Variants in GART observed in about 807,000 individuals in gnomAD.
GART encodes trifunctional purine biosynthetic protein adenosine-3.
Under a neutral mutation model 107.2 loss-of-function variants are expected in GART, and 43 were observed. The observed-to-expected ratio is 0.40, with a 90% CI of 0.31 to 0.52. The LOEUF is 0.52. Ranked by LOEUF, GART falls within the 20% of genes least tolerant of loss-of-function variation. The pLI, the probability that GART is intolerant of heterozygous loss-of-function variation, is 0.52. For missense variants in GART, 1,107 were observed against 1,206.5 expected (o/e 0.92, Z 1.22); for synonymous variants, 434 against 427.0 (o/e 1.02, Z -0.20).
chr21:33,531,633 A>C (rs972534844), intron 5 of GART, 76 bp from the exon 6 acceptor site: 1 of 1,270,618 alleles, frequency 7.9e-7, no homozygotes, highest in Admixed American at 2.2e-5. Context: ...GTTGACTTTT[A>C]GCATTATCCA....
In GART at chr21:33,528,183, C is replaced by T. The variant is rs773111539; in HGVS notation, c.1050G>A (p.Lys350=). 3.1e-6 allele frequency: 5 copies of T among 1,613,570 alleles called. No individual in the cohort carries two copies. The stretch of plus-strand genomic sequence containing the variant: ...GACACTCACCTGTTATCTCTACACC[C>T]TTGGTGTAGTCTCCAGGATAACCTT... ...ASKGYPGDYT[K]GVEITGFPEA... The change falls in exon 10 of 22, where the codon AAG becomes AAA. Residue 350 remains lysine (K), a synonymous_variant. Transcript: ENST00000381815.
At chr21:33,513,083 TTGTG>T (rs760260690) in intron 16 of GART, among the ~76,000 whole-genome samples, 34 of 142,330 alleles carry the variant, frequency 2.4e-4, no homozygotes, top group South Asian at 7.1e-4. Flanking sequence ...ACTTGGTTAT[TTGTG>T]TGTGTGTGTG....
Position 33,504,490 on chromosome 21 carries a change from A to G in GART, c.2763T>C (p.Ser921=). The change falls in exon 21 of 22, where the codon TCT becomes TCC. Residue 921 remains serine (S), a synonymous_variant. Coordinates refer to ENST00000381815, the MANE Select transcript of GART (RefSeq NM_000819.5). ...MLNIHPSLLP[S]FKGSNAHEQA... ...GCTCATGGGCATTTGAACCCTTAAA[A>G]GAAGGGAGCAAGGATGGGTGGATAT... The G allele has an allele frequency of 1.2e-6, 2 of 1,614,144 alleles. No homozygotes were observed. The highest frequency in any genetic ancestry group is 2.2e-5 in the South Asian group (2 of 91,090).
chr21:33,527,483 C>G (rs1439073725), intron 10 of GART, among the ~76,000 whole-genome samples: 1 of 152,012 alleles, frequency 6.6e-6, no homozygotes, highest in African/African-American at 2.4e-5. Context: ...CCACTGCAAT[C>G]CAGCCTGGGT....
intron 10 of GART, among the ~76,000 whole-genome samples, chr21:33,527,455 C>T (rs529949011): frequency 4.3e-4 from 65 of 152,054 alleles, no homozygotes; most frequent in African/African-American, 1.6e-3. Context: ...GAGGAGGTTA[C>T]AGTGAGCCGA....
Position 33,532,328 on chromosome 21 carries a change from C to A in GART, c.528+17G>T. On this transcript the variant is annotated intron_variant, in intron 5 of 21. Coordinates refer to ENST00000381815, the MANE Select transcript of GART (RefSeq NM_000819.5). ...GTATGAATAGAAAAGTAAATTTTTTCAGAAGACCCAGCCTACCTGCATGAT... is the reference window on the plus strand; with the variant it reads ...GTATGAATAGAAAAGTAAATTTTTTAAGAAGACCCAGCCTACCTGCATGAT... 1 of 1,584,184 alleles carries A rather than the reference C, an allele frequency of 6.3e-7. No homozygotes were observed.
At chr21:33,539,428 C>G (rs1446962812) in intron 1 of GART, 72 bp from the exon 2 acceptor site, 1 of 1,155,698 alleles carries the variant, frequency 8.7e-7, no homozygotes, top group African/African-American at 1.6e-5. Flanking sequence ...CACAGTGGCT[C>G]ATGCCTGTAC....
At chr21:33,526,822 A>G (rs1025818823) in intron 10 of GART, among the ~76,000 whole-genome samples, 3 of 152,236 alleles carry the variant, frequency 2.0e-5, no homozygotes, top group South Asian at 2.1e-4. Flanking sequence ...TTATGTAAAG[A>G]TAACACTTTT....
At chr21:33,512,690 G>C (rs1216018843) in intron 16 of GART, among the ~76,000 whole-genome samples, 1 of 152,030 alleles carries the variant, frequency 6.6e-6, no homozygotes, top group Non-Finnish European at 1.5e-5. Flanking sequence ...CCAGGCTCAA[G>C]TGATCTTCTC....
At chr21:33,520,843 A>G (rs942628228) in intron 13 of GART, 63 bp downstream of exon 13, 36 of 1,215,328 alleles carry the variant, frequency 3.0e-5, no homozygotes, top group Admixed American at 4.3e-5. Flanking sequence ...AGAAAAATAC[A>G]TATTTGATAT....
chr21:33,505,543 C>A lies in GART; in HGVS notation c.2725+18G>T, dbSNP rs772586286. ...TTCAATTGATTTCCCAATGTGATGT[C>A]AAATAATTTTTGCTTACCATTCCAC... On this transcript the variant is annotated intron_variant, in intron 20 of 21. Coordinates refer to ENST00000381815, the MANE Select transcript of GART (RefSeq NM_000819.5). 1 of 1,576,480 alleles carries A rather than the reference C, an allele frequency of 6.3e-7. No individual in the cohort carries two copies. Among genetic ancestry groups the A allele is most frequent in the Non-Finnish European group, 8.6e-7 (1 of 1,163,124 alleles).
Position 33,509,814 on chromosome 21 carries a change from CT to C in GART, c.2420del (p.Lys807ArgfsTer7), listed in dbSNP as rs758551787. 228 of 1,436,372 alleles carry C rather than the reference CT, an allele frequency of 1.6e-4. No individual in the cohort carries two copies. The highest frequency in any genetic ancestry group is 6.2e-4 in the Admixed American group (33 of 53,442). 89.0% of individuals were successfully genotyped at this position (1,436,372 alleles called of 1,614,324 possible). A position where few individuals can be genotyped will look rare whatever the true frequency, so the allele number is the denominator to read the frequency against. On this transcript the variant is annotated frameshift_variant, in exon 18 of 22. Transcript: ENST00000381815. LOFTEE classifies it high-confidence loss of function. Reference protein sequence around the residue: ...LTNHFSFEKKKARVAVLISGT... With the variant: ...LTNHFSFEKKXARVAVLISGT... ...CAGATATTAAGACAGCCACTCTGGCCTTTTTTTTTTCAAAAGAGAAATGATT... is the reference window on the plus strand; with the variant it reads ...CAGATATTAAGACAGCCACTCTGGCCTTTTTTTTTCAAAAGAGAAATGATT...
Position 33,528,234 on chromosome 21 carries a change from G to A in GART, c.999C>T (p.Thr333=), listed in dbSNP as rs200728952. 5.8e-5 allele frequency: 94 copies of A among 1,613,872 alleles called. No individual in the cohort carries two copies. Among genetic ancestry groups the A allele is most frequent in the Middle Eastern group, 1.6e-4 (1 of 6,084 alleles). The stretch of plus-strand genomic sequence containing the variant: ...TACTTGCCATGACAACAGTTAGGGC[G>A]GTGTGGTTTTCTAGCCAAACAGGCA... ...TSLPVWLENH[T]ALTVVMASKG... is the part of the protein sequence containing the mutation. Residue 333 remains threonine, a synonymous_variant, in exon 10 of 22, where the codon ACC becomes ACT. Transcript: ENST00000381815.
At chr21:33,542,736 G>A (rs778918162), upstream of GART, 30 of 244,904 alleles carry the variant, frequency 1.2e-4, no homozygotes, top group Middle Eastern at 1.5e-3. Context: ...TTTAATCTCA[G>A]GCACTTAGCA....
intron 2 of GART, among the ~76,000 whole-genome samples, chr21:33,536,211 T>C (rs930958162): frequency 1.3e-5 from 2 of 152,172 alleles, no homozygotes; most frequent in African/African-American, 4.8e-5. Flanking sequence ...GAGGGATCTC[T>C]TTGGGGCAGA....
At chr21:33,523,192 T>G (rs886070109) in intron 11 of GART, among the ~76,000 whole-genome samples, 1 of 152,098 alleles carries the variant, frequency 6.6e-6, no homozygotes, top group Non-Finnish European at 1.5e-5. Flanking sequence ...CAGTGATACA[T>G]GAAGAAATAT....
chr21:33,542,367 TA>T (rs2085462660), upstream of GART: 3 of 152,430 alleles, frequency 2.0e-5, no homozygotes, highest in African/African-American at 7.2e-5. Context: ...GCCAAAATGC[TA>T]AACCCATTCT....
chr21:33,511,249 T>G lies in GART; in HGVS notation c.2314+3A>C. ...TATCTAAAAATGAGTAAGGAGCAAG[T>G]ACCTTCAGCTCGTGCAACCACACTG... On this transcript the variant is annotated splice_donor_region_variant and intron_variant, in intron 17 of 21. Coordinates refer to ENST00000381815, the MANE Select transcript of GART (RefSeq NM_000819.5). The G allele has an allele frequency of 6.2e-7, 1 of 1,613,886 alleles. No homozygotes were observed.
intron 1 of GART, among the ~76,000 whole-genome samples, chr21:33,540,307 G>GT (rs2085388409): frequency 6.6e-6 from 1 of 152,174 alleles, no homozygotes; most frequent in South Asian, 2.1e-4. Context: ...ACAAATAAAC[G>GT]TGACTCGCTT....
Sources: gnomAD v4.1 joint callset for allele counts (sites outside exome capture counted in the v4.1 genomes callset) on GRCh38, gnomAD v4.1.1 for gene constraint, MANE v1.5 for transcripts, NCBI Gene and HGNC (gene_info 2026-07-23, HGNC 2026-07-21) for gene names.